The following NR2F1-AS1 variants were observed in gnomAD, a reference collection of about 807,000 sequenced individuals.
The protein encoded by NR2F1-AS1 is NR2F1 regulatory antisense RNA 1.
Position 93,436,985 on chromosome 5 carries a change from CA to C in NR2F1-AS1, n.639-41444del, listed in dbSNP as rs34277476. Reference sequence around the variant, plus strand: ...GATTTTAAGTGAAACTCATTATCTCCAAAAAAAAAAAAAAATTAAATACCAT... The same window carrying C: ...GATTTTAAGTGAAACTCATTATCTCCAAAAAAAAAAAAAATTAAATACCAT... On this transcript the variant is annotated intron_variant and non_coding_transcript_variant, in intron 4 of 5. Coordinates refer to ENST00000660523, the Ensembl canonical transcript of NR2F1-AS1. Among the ~76,000 whole-genome samples the C allele has an allele frequency of 5.9e-3, 768 of 130,540 alleles. 6 individuals carry two copies. The highest frequency in any genetic ancestry group is 5.8e-3 in the African/African-American group (203 of 35,146). The allele number at this position is 130,540 out of a possible 152,430, so 85.6% of individuals were successfully genotyped here.
At chr5:93,485,823 T>C (rs963634702) in intron 4 of NR2F1-AS1, among the ~76,000 whole-genome samples, 3 of 149,414 alleles carry the variant, frequency 2.0e-5, no homozygotes, top group Admixed American at 1.3e-4. Context: ...CGTATGTTTA[T>C]TGCGGCATTA....
intron 4 of NR2F1-AS1, among the ~76,000 whole-genome samples, chr5:93,551,234 T>TA (rs1223482467): frequency 1.3e-5 from 2 of 152,050 alleles, no homozygotes; most frequent in Non-Finnish European, 2.9e-5. Flanking sequence ...ATTTAGAAAA[T>TA]ACGCCACTCA....
intron 1 of NR2F1-AS1, among the ~76,000 whole-genome samples, chr5:93,569,453 T>A (rs1178365872): frequency 6.6e-6 from 1 of 152,214 alleles, no homozygotes; most frequent in African/African-American, 2.4e-5. Flanking sequence ...CCTGGACACC[T>A]GGGAAGCATG....
intron 4 of NR2F1-AS1, among the ~76,000 whole-genome samples, chr5:93,519,792 C>T (rs776037033): frequency 6.6e-6 from 1 of 151,984 alleles, no homozygotes; most frequent in Non-Finnish European, 1.5e-5. Context: ...ACTGCTACTA[C>T]ACATTTTCAA....
rs888835020 is a variant in NR2F1-AS1, at chr5:93,523,942, A to G, written n.638+29819T>C. Reference sequence around the variant, plus strand: ...TGAAAATTCCAAAAAACAGAAAGCCACTTCTCCTCCAAAGGATCACAACTC... The same window carrying G: ...TGAAAATTCCAAAAAACAGAAAGCCGCTTCTCCTCCAAAGGATCACAACTC... On this transcript the variant is annotated intron_variant and non_coding_transcript_variant, in intron 4 of 5. Transcript: ENST00000660523. Among the ~76,000 whole-genome samples, 101 of 152,144 alleles carry G rather than the reference A, an allele frequency of 6.6e-4. 1 individual carries two copies. Among genetic ancestry groups the G allele is most frequent in the Non-Finnish European group, 2.2e-4 (15 of 68,028 alleles).
chr5:93,463,131 G>GA (rs1423888069), intron 4 of NR2F1-AS1, among the ~76,000 whole-genome samples: 9 of 152,244 alleles, frequency 5.9e-5, no homozygotes, highest in East Asian at 5.8e-4. Flanking sequence ...GACCTAGGAG[G>GA]AAAAAATGGT....
At chr5:93,464,718 A>C (rs1750187522) in intron 4 of NR2F1-AS1, among the ~76,000 whole-genome samples, 1 of 152,248 alleles carries the variant, frequency 6.6e-6, no homozygotes, top group African/African-American at 2.4e-5. Context: ...AACGGAAACA[A>C]ATATTCATGC....
intron 4 of NR2F1-AS1, among the ~76,000 whole-genome samples, chr5:93,503,117 T>A (rs1050351403): frequency 5.9e-5 from 9 of 152,132 alleles, no homozygotes; most frequent in Non-Finnish European, 1.3e-4. Flanking sequence ...CAAAACTGAA[T>A]CAAGAATGTT....
chr5:93,557,979 G>A (rs931048015), intron 2 of NR2F1-AS1, among the ~76,000 whole-genome samples: 20 of 151,922 alleles, frequency 1.3e-4, no homozygotes, highest in East Asian at 3.9e-4. Context: ...TTCCTCATCC[G>A]TAAGAAACAA....
intron 4 of NR2F1-AS1, among the ~76,000 whole-genome samples, chr5:93,445,810 T>C (rs1749691906): frequency 6.6e-6 from 1 of 152,176 alleles, no homozygotes; most frequent in Non-Finnish European, 1.5e-5. Flanking sequence ...AATAAAATAC[T>C]GGCAAACTGA....
intron 4 of NR2F1-AS1, among the ~76,000 whole-genome samples, chr5:93,468,639 T>C (rs187551531): frequency 2.0e-5 from 3 of 152,378 alleles, no homozygotes; most frequent in Admixed American, 1.3e-4. Context: ...GTGCAGAAGC[T>C]CTTTAGTTTA....
At chr5:93,585,523 G>T, upstream of NR2F1-AS1, 1 of 1,521,844 alleles carries the variant, frequency 6.6e-7, no homozygotes, top group Non-Finnish European at 9.0e-7. Flanking sequence ...CCCGCGCTTC[G>T]CCCGCCTCCC....
At chr5:93,559,596 TTAAAG>T (rs1370873482) in intron 2 of NR2F1-AS1, among the ~76,000 whole-genome samples, 1 of 152,226 alleles carries the variant, frequency 6.6e-6, no homozygotes, top group Non-Finnish European at 1.5e-5. Flanking sequence ...AGCTTTTGAC[TTAAAG>T]TAAAGGAGGT....
intron 4 of NR2F1-AS1, among the ~76,000 whole-genome samples, chr5:93,482,749 G>T (rs112483507): frequency 0.012 from 1,896 of 152,248 alleles, 12 homozygotes; most frequent in Non-Finnish European, 0.019. Flanking sequence ...AACCTGGGAC[G>T]CTCTAGCTTG....
chr5:93,573,938 A>G (rs950256575), intron 1 of NR2F1-AS1, among the ~76,000 whole-genome samples: 1 of 152,228 alleles, frequency 6.6e-6, no homozygotes, highest in Non-Finnish European at 1.5e-5. Flanking sequence ...ATTAGCACAT[A>G]TGTTCTAAAT....
At chr5:93,583,910 C>G (rs1753174275), upstream of NR2F1-AS1, 1 of 152,478 alleles carries the variant, frequency 6.6e-6, no homozygotes, top group African/African-American at 2.4e-5. Flanking sequence ...CTTCCGTCAC[C>G]TCCCGAAAGA....
At chr5:93,478,447 A>C (rs2149873860) in intron 4 of NR2F1-AS1, among the ~76,000 whole-genome samples, 1 of 152,272 alleles carries the variant, frequency 6.6e-6, no homozygotes, top group Non-Finnish European at 1.5e-5. Context: ...TCTGTCATCC[A>C]GGCTGGAGTA....
intron 4 of NR2F1-AS1, among the ~76,000 whole-genome samples, chr5:93,480,085 C>T (rs1750569498): frequency 6.6e-6 from 1 of 151,812 alleles, no homozygotes; most frequent in Admixed American, 6.6e-5. Context: ...GTTACAGAAA[C>T]AGAAAAGAGA....
intron 4 of NR2F1-AS1, among the ~76,000 whole-genome samples, chr5:93,435,810 G>T (rs1276878849): frequency 6.6e-6 from 1 of 152,100 alleles, no homozygotes; most frequent in Non-Finnish European, 1.5e-5. Context: ...AAGACAATTG[G>T]TTTAACCCAT....
Sources: gnomAD v4.1 joint callset for allele counts (sites outside exome capture counted in the v4.1 genomes callset) on GRCh38, gnomAD v4.1.1 for gene constraint, MANE v1.5 for transcripts, NCBI Gene and HGNC (gene_info 2026-07-23, HGNC 2026-07-21) for gene names.